ZNF786: variants seen among roughly 807,000 people sequenced by gnomAD.
ZNF786 encodes zinc finger protein 786.
A neutral mutation model predicts 63.1 loss-of-function variants in ZNF786; 56 were observed. The ratio of observed to expected loss-of-function variants is 0.89; its 90% CI spans 0.72 to 1.11. ZNF786 has a LOEUF of 1.11. ZNF786 is among the 50% of genes least tolerant of loss of function. The pLI is 0.00. For synonymous variants in ZNF786, 485 were observed against 406.9 expected (o/e 1.19, Z -2.31); for missense variants, 1,213 against 1,041.8 (o/e 1.16, Z -2.26).
In ZNF786 at chr7:149,071,145, C is replaced by A. The variant is rs566041076; in HGVS notation, c.1627G>T (p.Asp543Tyr). The A allele has an allele frequency of 6.3e-7, 1 of 1,588,624 alleles. No individual in the cohort carries two copies. The highest frequency in any genetic ancestry group is 1.1e-5 in the South Asian group (1 of 88,398). Reference protein sequence around the residue: ...GERPFQCLKCDKRFRLKGILK... With the variant: ...GERPFQCLKCYKRFRLKGILK... ...ATGCCCTTCAGGCGGAAGCGCTTGT[C>A]GCACTTCAGGCACTGGAAGGGCCTC... The change falls in exon 4 of 4, where the codon GAC becomes TAC. Residue 543 changes from aspartate (D) to tyrosine (Y), a missense_variant. Coordinates refer to ENST00000491431, the MANE Select transcript of ZNF786 (RefSeq NM_152411.4).
intron 1 of ZNF786, among the ~76,000 whole-genome samples, chr7:149,087,058 G>A (rs1585471871): frequency 6.6e-6 from 1 of 152,088 alleles, no homozygotes; most frequent in Admixed American, 6.6e-5. Context: ...GGTCAGGCTG[G>A]TCTTGAACTC....
chr7:149,077,973 C>T (rs935556064), intron 2 of ZNF786, among the ~76,000 whole-genome samples: 6 of 151,522 alleles, frequency 4.0e-5, no homozygotes, highest in Non-Finnish European at 5.9e-5. Flanking sequence ...AGTGATTCTC[C>T]TCCCTCAGCC....
intron 2 of ZNF786, among the ~76,000 whole-genome samples, 193 bp downstream of exon 2, chr7:149,080,398 T>A (rs1447132492): frequency 6.6e-6 from 1 of 152,214 alleles, no homozygotes; most frequent in Non-Finnish European, 1.5e-5. Context: ...AATATTCTCA[T>A]GTAACAATGT....
chr7:149,085,723 T>C (rs112282792), intron 1 of ZNF786, among the ~76,000 whole-genome samples: 37 of 152,276 alleles, frequency 2.4e-4, no homozygotes, highest in African/African-American at 8.4e-4. Context: ...TTCCTATCCA[T>C]GAGCATTAAA....
At chr7:149,089,007 A>AGTGCAGTGGC (rs1825784985) in intron 1 of ZNF786, among the ~76,000 whole-genome samples, 1 of 141,984 alleles carries the variant, frequency 7.0e-6, no homozygotes, top group Non-Finnish European at 1.5e-5. Flanking sequence ...CCCAGGCTGG[A>AGTGCAGTGGC]GTGCAGTGGC....
At chr7:149,076,467 G>A (rs1388837380) in intron 2 of ZNF786, among the ~76,000 whole-genome samples, 4 of 147,496 alleles carry the variant, frequency 2.7e-5, no homozygotes, top group Non-Finnish European at 6.0e-5. Context: ...AGTGGCTCAC[G>A]CCTGTAATCC....
chr7:149,080,263 T>C (rs550705982), intron 2 of ZNF786, among the ~76,000 whole-genome samples: 140 of 152,262 alleles, frequency 9.2e-4, no homozygotes, highest in African/African-American at 3.0e-3. Flanking sequence ...GTTAAAGATA[T>C]ACAGAGCACT....
In ZNF786 at chr7:149,071,960, G is replaced by T. The variant is rs775276139; in HGVS notation, c.812C>A (p.Ala271Asp). ...AHTGRGPFRNADGEMCFRHEL... is the reference protein window; with the variant it reads ...AHTGRGPFRNDDGEMCFRHEL... ...GTGTCGGAAGCACATTTCACCGTCAGCGTTCCGGAAGGGGCCCCTCCCCGT... is the reference window on the plus strand; with the variant it reads ...GTGTCGGAAGCACATTTCACCGTCATCGTTCCGGAAGGGGCCCCTCCCCGT... Residue 271 changes from alanine to aspartate, a missense_variant, in exon 4 of 4, where the codon GCT (alanine) becomes GAT (aspartate). Transcript: ENST00000491431. 3.7e-6 allele frequency: 6 copies of T among 1,611,826 alleles called. No homozygotes were observed. Among genetic ancestry groups the T allele is most frequent in the Middle Eastern group, 1.6e-4 (1 of 6,082 alleles).
chr7:149,074,636 G>C, intron 2 of ZNF786, 98 bp from the exon 3 acceptor site: 1 of 1,137,948 alleles, frequency 8.8e-7, no homozygotes, highest in Non-Finnish European at 1.2e-6. Context: ...CAAAGTATGA[G>C]AACAACATGT....
rs954207799 is a variant in ZNF786, at chr7:149,071,139, G to A, written c.1633C>T (p.Arg545Cys). The A allele has an allele frequency of 1.2e-6, 2 of 1,608,972 alleles. No individual in the cohort carries two copies. Reference sequence around the variant, plus strand: ...TTCAGGATGCCCTTCAGGCGGAAGCGCTTGTCGCACTTCAGGCACTGGAAG... The same window carrying A: ...TTCAGGATGCCCTTCAGGCGGAAGCACTTGTCGCACTTCAGGCACTGGAAG... ...RPFQCLKCDK[R>C]FRLKGILKAH... The change falls in exon 4 of 4, where the codon CGC becomes TGC. Residue 545 changes from arginine to cysteine, a missense_variant. By Grantham distance (180) the Arg-to-Cys change is radical. Coordinates refer to ENST00000491431, the MANE Select transcript of ZNF786 (RefSeq NM_152411.4).
Position 149,070,678 on chromosome 7 carries a change from G to C in ZNF786, c.2094C>G (p.His698Gln), listed in dbSNP as rs1465012008. The stretch of plus-strand genomic sequence containing the variant: ...GGCAGTGAAAAGGCCTCTCCCCTGT[G>C]TGCAGGCCCTGATGGCTGAGCAGCT... ...KAQLLSHQGL[H>Q]TGERPFHCPE... The change falls in exon 4 of 4, where the codon CAC becomes CAG. Residue 698 changes from histidine to glutamine, a missense_variant. Transcript: ENST00000491431. 9.3e-6 allele frequency: 15 copies of C among 1,613,844 alleles called. No homozygotes were observed. Among genetic ancestry groups the C allele is most frequent in the African/African-American group, 1.3e-5 (1 of 74,950 alleles).
intron 1 of ZNF786, among the ~76,000 whole-genome samples, chr7:149,084,552 G>C (rs1465829385): frequency 6.6e-6 from 1 of 152,090 alleles, no homozygotes; most frequent in Non-Finnish European, 1.5e-5. Context: ...AATGATTAGT[G>C]ATGCTGAGCA....
chr7:149,083,186 C>T (rs987052432), intron 1 of ZNF786, among the ~76,000 whole-genome samples: 13 of 151,932 alleles, frequency 8.6e-5, no homozygotes, highest in Admixed American at 5.3e-4. Flanking sequence ...CGCGAGCCAC[C>T]GCACCCAGCC....
chr7:149,073,790 T>C (rs1339207492), intron 3 of ZNF786, among the ~76,000 whole-genome samples: 3 of 135,024 alleles, frequency 2.2e-5, no homozygotes, highest in African/African-American at 8.1e-5. Context: ...TGTATATATA[T>C]ATAGTTTTTT....
rs1466053615 is a variant in ZNF786, at chr7:149,071,156, C to A, written c.1616G>T (p.Cys539Phe). The change falls in exon 4 of 4, where the codon TGC becomes TTC. Residue 539 changes from cysteine to phenylalanine, a missense_variant. Coordinates refer to ENST00000491431, the MANE Select transcript of ZNF786 (RefSeq NM_152411.4). ...RVHSGERPFQ[C>F]LKCDKRFRLK... ...GCGGAAGCGCTTGTCGCACTTCAGG[C>A]ACTGGAAGGGCCTCTCCCCGCTGTG... 6.2e-7 allele frequency: 1 copy of A among 1,612,392 alleles called. No individual in the cohort carries two copies. The highest frequency in any genetic ancestry group is 1.7e-5 in the Admixed American group (1 of 59,966).
rs1172152827 is a variant in ZNF786 at position 149,071,682 on chromosome 7, C to A, written c.1090G>T (p.Gly364Cys). 6.4e-7 allele frequency: 1 copy of A among 1,567,068 alleles called. No homozygotes were observed. The highest frequency in any genetic ancestry group is 2.3e-5 in the East Asian group (1 of 42,766). ...GAGCAGGAGCAGGGCCCCTCTGCGC[C>A]ATGCTGCAGCGCCTCCGTGTCCCCT... ...QEGDTEALQH[G>C]AEGPCSCSEC... is the part of the protein sequence containing the mutation. The change falls in exon 4 of 4, where the codon GGC (glycine) becomes TGC (cysteine). Residue 364 changes from glycine to cysteine, a missense_variant. By Grantham distance (159) the Gly-to-Cys change is radical (BLOSUM62 -3). Transcript: ENST00000491431.
At chr7:149,079,125 C>T (rs565550123) in intron 2 of ZNF786, among the ~76,000 whole-genome samples, 55 of 152,060 alleles carry the variant, frequency 3.6e-4, no homozygotes, top group African/African-American at 1.3e-3. Context: ...AAGAATGAAA[C>T]GGGCTGGGCG....
intron 2 of ZNF786, among the ~76,000 whole-genome samples, chr7:149,079,019 T>C (rs1825610077): frequency 1.3e-5 from 2 of 152,186 alleles, no homozygotes; most frequent in South Asian, 4.1e-4. Flanking sequence ...AATCAAGTTA[T>C]TGGAAGCGTA....
intron 3 of ZNF786, among the ~76,000 whole-genome samples, chr7:149,073,757 A>ATATATATATATG: frequency 1.2e-5 from 1 of 84,020 alleles, no homozygotes; most frequent in South Asian, 5.3e-4. Flanking sequence ...GTATATATAT[A>ATATATATATATG]TATATATATA....
Sources: allele counts gnomAD v4.1 joint callset (sites outside exome capture counted in the v4.1 genomes callset), GRCh38; gene constraint gnomAD v4.1.1; transcripts MANE v1.5; gene names NCBI Gene and HGNC (gene_info 2026-07-23, HGNC 2026-07-21).